Variants in AFF4 observed in about 807,000 individuals in gnomAD.
The protein encoded by AFF4 is AF4/FMR2 family member 4.
In AFF4, 13 loss-of-function variants were observed where a neutral mutation model predicts 124.8. The observed-to-expected ratio is 0.10, with a 90% confidence interval of 0.07 to 0.17. The LOEUF is 0.17. AFF4 is among the 10% of genes least tolerant of loss of function. The pLI is 1.00. For missense variants in AFF4, 1,092 were observed against 1,403.8 expected, an observed-to-expected ratio of 0.78 and a Z score of 3.55; for synonymous variants, 477 against 496.1, an observed-to-expected ratio of 0.96 and a Z score of 0.51.
intron 17 of AFF4, 31 bp downstream of exon 17, chr5:132,887,490 T>C: frequency 4.4e-6 from 7 of 1,586,654 alleles, no homozygotes; most frequent in Non-Finnish European, 6.1e-6. Context: ...ACTTCCTGTA[T>C]CTAGCAGAGG....
rs200049388 is a variant in AFF4, at chr5:132,891,817, A to T, written c.2637+347T>A. On this transcript the variant is annotated intron_variant, in intron 13 of 20. Coordinates refer to ENST00000265343, the MANE Select transcript of AFF4 (RefSeq NM_014423.4). ...GTTTCTATCTTTTTTTTTTTTTTTTAAATTTTAAAGTTCTTTTACAGACAG... is the reference window on the plus strand; with the variant it reads ...GTTTCTATCTTTTTTTTTTTTTTTTTAATTTTAAAGTTCTTTTACAGACAG... The T allele has an allele frequency of 7.0e-3, 1,578 of 224,738 alleles. 3 individuals are homozygous for T. The highest frequency in any genetic ancestry group is 0.028 in the Middle Eastern group (22 of 784). The allele number at this position is 224,738 out of a possible 1,614,324, so 13.9% of individuals were successfully genotyped here.
intron 20 of AFF4, among the ~76,000 whole-genome samples, chr5:132,882,897 T>G (rs1449987791): frequency 2.0e-5 from 3 of 151,284 alleles, no homozygotes; most frequent in Non-Finnish European, 2.9e-5. Flanking sequence ...CCTAGTCTCC[T>G]TTATTTCACA....
rs1759877639 is a variant in AFF4, at chr5:132,877,864, A to C, written c.*3195T>G. 4.5e-6 allele frequency: 1 copy of C among 221,142 alleles called. No individual in the cohort carries two copies. Among genetic ancestry groups the C allele is most frequent in the African/African-American group, 2.2e-5 (1 of 44,636 alleles). The allele number at this position is 221,142 out of a possible 1,614,324, so 13.7% of individuals were successfully genotyped here. ...AACAACAATTTTTTAAAAACTAGTG[A>C]ATCTAATAAAGCCAAGTGTGTCATT... On this transcript the variant is annotated 3_prime_UTR_variant, in exon 21 of 21. Coordinates refer to ENST00000265343, the MANE Select transcript of AFF4 (RefSeq NM_014423.4).
At chr5:132,931,741 A>G (rs1260434519) in intron 4 of AFF4, among the ~76,000 whole-genome samples, 2 of 152,240 alleles carry the variant, frequency 1.3e-5, no homozygotes, top group African/African-American at 4.8e-5. Flanking sequence ...GGATCACCTG[A>G]GGTCAGGAGT....
intron 4 of AFF4, among the ~76,000 whole-genome samples, chr5:132,927,951 T>C (rs1761216225): frequency 1.3e-5 from 2 of 152,188 alleles, no homozygotes; most frequent in African/African-American, 4.8e-5. Flanking sequence ...ATGTGTATGT[T>C]AGATAAGCCA....
At chr5:132,922,791 A>C (rs1216524321) in intron 5 of AFF4, among the ~76,000 whole-genome samples, 15 of 151,780 alleles carry the variant, frequency 9.9e-5, no homozygotes, top group Non-Finnish European at 4.4e-5. Context: ...AAAAAAAAAA[A>C]AAAAACCAAA....
In AFF4 at chr5:132,898,292, C is replaced by T; in HGVS notation, c.1327G>A (p.Glu443Lys). Residue 443 changes from glutamate to lysine, a missense_variant, in exon 10 of 21, where the codon GAG becomes AAG. Physicochemically the swap from Glu to Lys is moderately conservative, Grantham distance 56. Around this residue, in one of 11 missense-constraint regions of AFF4, gnomAD observed 9 missense variants for 33.7 expected, o/e 0.27. Coordinates refer to ENST00000265343, the MANE Select transcript of AFF4 (RefSeq NM_014423.4). ...GSESSSGSDS[E>K]SESSSSDSEA... ...CTGTCACTGGAACTACTTTCACTCT[C>T]TGAGTCAGATCCAGAGCTGCTTTCA... 1 of 1,614,200 alleles carries T rather than the reference C, an allele frequency of 6.2e-7. No individual in the cohort carries two copies.
At chr5:132,955,251 G>A (rs1443351696) in intron 1 of AFF4, among the ~76,000 whole-genome samples, 1 of 152,052 alleles carries the variant, frequency 6.6e-6, no homozygotes, top group African/African-American at 2.4e-5. Context: ...GTGGAGGGGC[G>A]TGGTGGGCCA....
At position 132,902,425 on chromosome 5, in the gene AFF4, T is replaced by C. The variant is rs747264447; in HGVS notation, c.1133+17A>G. 1 of 1,575,224 alleles carries C rather than the reference T, an allele frequency of 6.3e-7. No individual in the cohort carries two copies. The highest frequency in any genetic ancestry group is 8.7e-7 in the Non-Finnish European group (1 of 1,145,010). ...GCAAAAATGATAAATATTAAACTCATTAAGCAATAAACTTACGATTTAGAC... is the reference window on the plus strand; with the variant it reads ...GCAAAAATGATAAATATTAAACTCACTAAGCAATAAACTTACGATTTAGAC... On this transcript the variant is annotated intron_variant, in intron 7 of 20. Transcript: ENST00000265343.
chr5:132,887,657 T>C, intron 16 of AFF4, 65 bp from the exon 17 acceptor site: 1 of 1,545,842 alleles, frequency 6.5e-7, no homozygotes, highest in South Asian at 1.1e-5. Context: ...ATGATTTCAC[T>C]TGTCCTCAAA....
At chr5:132,933,437 T>G (rs1471627628) in intron 3 of AFF4, among the ~76,000 whole-genome samples, 1 of 150,870 alleles carries the variant, frequency 6.6e-6, no homozygotes, top group Non-Finnish European at 1.5e-5. Flanking sequence ...GGGCCAGGCA[T>G]GATGGTCATG....
Position 132,881,052 on chromosome 5 carries a change from G to A in AFF4, c.*7C>T. 1.9e-6 allele frequency: 3 copies of A among 1,610,810 alleles called. No homozygotes were observed. Among genetic ancestry groups the A allele is most frequent in the South Asian group, 2.2e-5 (2 of 90,320 alleles). Reference sequence around the variant, plus strand: ...AGAAAATCAGAGGCAACGAGAATGTGTTCAGTTCAAGATATCAACTTGGCA... The same window carrying A: ...AGAAAATCAGAGGCAACGAGAATGTATTCAGTTCAAGATATCAACTTGGCA... On this transcript the variant is annotated 3_prime_UTR_variant, in exon 21 of 21. Transcript: ENST00000265343.
At chr5:132,883,897 A>T (rs1311315037) in intron 19 of AFF4, among the ~76,000 whole-genome samples, 1 of 152,198 alleles carries the variant, frequency 6.6e-6, no homozygotes, top group Non-Finnish European at 1.5e-5. Flanking sequence ...CGGGCATATA[A>T]TTACATATTT....
At chr5:132,961,934 G>A (rs1762090046) in intron 1 of AFF4, among the ~76,000 whole-genome samples, 1 of 152,108 alleles carries the variant, frequency 6.6e-6, no homozygotes, top group Admixed American at 6.6e-5. Flanking sequence ...ATAACTTACT[G>A]GGAATTTTTC....
intron 13 of AFF4, among the ~76,000 whole-genome samples, chr5:132,889,810 T>A (rs749825979): frequency 6.6e-6 from 1 of 152,194 alleles, no homozygotes; most frequent in East Asian, 1.9e-4. Context: ...GTCTTTTTTT[T>A]ATTTTAAGAG....
intron 1 of AFF4, among the ~76,000 whole-genome samples, chr5:132,949,108 A>G (rs905440016): frequency 6.6e-6 from 1 of 152,056 alleles, no homozygotes; most frequent in Non-Finnish European, 1.5e-5. Context: ...ACTAGACAAA[A>G]AAGACTCCAG....
At chr5:132,951,565 T>C (rs757522949) in intron 1 of AFF4, among the ~76,000 whole-genome samples, 1 of 152,232 alleles carries the variant, frequency 6.6e-6, no homozygotes, top group Non-Finnish European at 1.5e-5. Flanking sequence ...TCTCACTTGG[T>C]TCCCCAGGCT....
In AFF4 at chr5:132,920,791, C is replaced by A. The variant is rs550720781; in HGVS notation, c.1050+6330G>T. 2.0e-5 allele frequency among the ~76,000 whole-genome samples: 3 copies of A among 152,198 alleles called. No individual in the cohort carries two copies. In the East Asian group the frequency reaches 5.8e-4, roughly 29 times the overall value. ...AAAGGTAGTCCACAGAGCAAGAAAA[C>A]AAAATTTTCAAATCACATATATGAT... On this transcript the variant is annotated intron_variant, in intron 5 of 20. Coordinates refer to ENST00000265343, the MANE Select transcript of AFF4 (RefSeq NM_014423.4).
Position 132,951,590 on chromosome 5 carries a change from C to T in AFF4, c.-5+11669G>A, listed in dbSNP as rs147559345. ...TTCCCCAGGCTGGAGTGCAGTGGCA[C>T]GATCTCGGCTCACTGCAACCTCCAC... On this transcript the variant is annotated intron_variant, in intron 1 of 20. Transcript: ENST00000265343. 4.2e-3 allele frequency among the ~76,000 whole-genome samples: 639 copies of T among 152,274 alleles called. 3 individuals carry two copies. Among genetic ancestry groups the T allele is most frequent in the South Asian group, 0.019 (92 of 4,828 alleles).
Sources: allele counts gnomAD v4.1 joint callset (sites outside exome capture counted in the v4.1 genomes callset), GRCh38; gene constraint gnomAD v4.1.1; regional missense constraint gnomAD v4.1.1; transcripts MANE v1.5; gene names NCBI Gene and HGNC (gene_info 2026-07-23, HGNC 2026-07-21).